Variants in TBC1D5 observed in about 807,000 individuals in gnomAD.
TBC1D5 encodes TBC1 domain family, member 5.
A neutral mutation model predicts 100.3 loss-of-function variants in TBC1D5; 75 were observed. The ratio of observed to expected loss-of-function variants is 0.75; its 90% CI spans 0.62 to 0.91. The LOEUF (loss-of-function observed/expected upper bound fraction) is 0.91. Ranked by LOEUF, TBC1D5 falls within the 40% of genes least tolerant of loss-of-function variation. TBC1D5 has a pLI of 0.00. For missense variants in TBC1D5, 910 were observed against 942.4 expected, an observed-to-expected ratio of 0.97 and a Z score of 0.45; for synonymous variants, 323 against 325.6, an observed-to-expected ratio of 0.99 and a Z score of 0.09.
rs544830996 is a variant in TBC1D5, at chr3:17,540,735, C to T, written c.-35-32130G>A. ...CATCCTGGCCAACATGGTGAAACCC[C>T]GTCTCTACTAAAAATACAAAAATTA... On this transcript the variant is annotated intron_variant, in intron 2 of 21. Coordinates refer to ENST00000253692, the Ensembl canonical transcript of TBC1D5. 1.2e-4 allele frequency among the ~76,000 whole-genome samples: 18 copies of T among 151,306 alleles called. No individual in the cohort carries two copies. The South Asian group carries it at 2.7e-3, about 23-fold the overall frequency.
chr3:17,189,968 T>G (rs2069661214), intron 18 of TBC1D5, among the ~76,000 whole-genome samples: 1 of 152,242 alleles, frequency 6.6e-6, no homozygotes, highest in Admixed American at 6.5e-5. Flanking sequence ...TTTTTTGAAT[T>G]TGCTTTTTAA....
In TBC1D5 at chr3:17,468,598, G is replaced by A. The variant is rs183886336; in HGVS notation, c.97+39876C>T. Among the ~76,000 whole-genome samples, 86 of 152,058 alleles carry A rather than the reference G, an allele frequency of 5.7e-4. 1 individual carries two copies. In the East Asian group the frequency reaches 0.015, roughly 27 times the overall value. ...AGAATGCAAGCTCCATGAAGGCAGG[G>A]ATCTTTGTTATGTTCAATGATATGT... On this transcript the variant is annotated intron_variant, in intron 3 of 21. Coordinates refer to ENST00000253692, the Ensembl canonical transcript of TBC1D5.
At chr3:17,340,177 T>C (rs2088643834) in intron 13 of TBC1D5, among the ~76,000 whole-genome samples, 1 of 152,156 alleles carries the variant, frequency 6.6e-6, no homozygotes, top group Non-Finnish European at 1.5e-5. Flanking sequence ...GCAAGAGTTC[T>C]GTGTTTCCAT....
chr3:17,664,942 T>A (rs2067071148), intron 1 of TBC1D5: 1 of 148,764 alleles, frequency 6.7e-6, no homozygotes, highest in Non-Finnish European at 1.5e-5. Context: ...GAATGAAGAC[T>A]GGAACTTATG....
intron 13 of TBC1D5, among the ~76,000 whole-genome samples, chr3:17,355,383 C>G (rs1426498077): frequency 1.3e-5 from 2 of 151,980 alleles, no homozygotes; most frequent in East Asian, 1.9e-4. Context: ...TAAAATAGTT[C>G]CAAGTAGAAA....
At chr3:17,488,890 T>C (rs764908361) in intron 3 of TBC1D5, among the ~76,000 whole-genome samples, 2 of 150,422 alleles carry the variant, frequency 1.3e-5, no homozygotes, top group African/African-American at 2.5e-5. Context: ...TAGATTCTCA[T>C]AGAAGCACAA....
intron 2 of TBC1D5, among the ~76,000 whole-genome samples, chr3:17,533,287 A>G (rs1283894318): frequency 6.6e-6 from 1 of 151,624 alleles, no homozygotes. Flanking sequence ...AAAGAAAATA[A>G]AAATACCCAA....
chr3:17,177,366 A>G (rs1288255044), intron 19 of TBC1D5, among the ~76,000 whole-genome samples: 2 of 152,202 alleles, frequency 1.3e-5, no homozygotes, highest in Admixed American at 1.3e-4. Flanking sequence ...TTCCAATAAT[A>G]AAACCAGGGG....
At chr3:17,186,659 G>A (rs2069112004) in intron 18 of TBC1D5, among the ~76,000 whole-genome samples, 1 of 120,140 alleles carries the variant, frequency 8.3e-6, no homozygotes, top group Non-Finnish European at 1.6e-5. Context: ...GAAGTGAGCC[G>A]AGATCATGCC....
Position 17,292,874 on chromosome 3 carries a change from C to T in TBC1D5, c.1139-873G>A, listed in dbSNP as rs147773106. ...ACTAATCAGTTACTTGAAAAATGTT[C>T]CATAAGAAAACAACTGTGATTCAAT... is the stretch of plus-strand genomic sequence containing the variant. On this transcript the variant is annotated intron_variant, in intron 14 of 21. Coordinates refer to ENST00000253692, the Ensembl canonical transcript of TBC1D5. Among the ~76,000 whole-genome samples, 465 of 152,208 alleles carry T rather than the reference C, an allele frequency of 3.1e-3. 2 individuals carry two copies. The highest frequency in any genetic ancestry group is 0.011 in the African/African-American group (454 of 41,554).
chr3:17,728,239 C>T (rs2076277892), intron 1 of TBC1D5, among the ~76,000 whole-genome samples: 1 of 152,116 alleles, frequency 6.6e-6, no homozygotes, highest in Admixed American at 6.5e-5. Context: ...TGGCTGCCAT[C>T]ACTATTAATT....
intron 1 of TBC1D5, among the ~76,000 whole-genome samples, chr3:17,727,613 A>T (rs2076232550): frequency 6.6e-6 from 1 of 152,178 alleles, no homozygotes; most frequent in Non-Finnish European, 1.5e-5. Context: ...GAAAAACACA[A>T]ATTACCAAAA....
At chr3:17,299,426 G>A (rs78525296) in intron 14 of TBC1D5, among the ~76,000 whole-genome samples, 2,287 of 152,242 alleles carry the variant, frequency 0.015, 50 homozygotes, top group African/African-American at 0.052. Context: ...GATAAGGAGG[G>A]ACTGCTGTAT....
chr3:17,700,946 G>A (rs1054241509), intron 1 of TBC1D5, among the ~76,000 whole-genome samples: 3 of 152,098 alleles, frequency 2.0e-5, no homozygotes, highest in South Asian at 2.1e-4. Context: ...TCTAGAACTC[G>A]AAATACCATT....
intron 3 of TBC1D5, among the ~76,000 whole-genome samples, chr3:17,437,573 T>C (rs2149485521): frequency 6.7e-6 from 1 of 149,822 alleles, no homozygotes; most frequent in African/African-American, 2.5e-5. Flanking sequence ...TGTGTGTGTG[T>C]GTGTGTGTGT....
chr3:17,645,015 G>C (rs1446521672), intron 1 of TBC1D5, among the ~76,000 whole-genome samples: 1 of 152,018 alleles, frequency 6.6e-6, no homozygotes, highest in Non-Finnish European at 1.5e-5. Flanking sequence ...CTATTAAACG[G>C]GGTCACTGGG....
At chr3:17,381,695 T>C (rs2092950844) in intron 9 of TBC1D5, among the ~76,000 whole-genome samples, 1 of 152,106 alleles carries the variant, frequency 6.6e-6, no homozygotes, top group African/African-American at 2.4e-5. Flanking sequence ...TTGGTTTGTT[T>C]TTAGTCTTTC....
chr3:17,561,941 T>C (rs2096561906), intron 2 of TBC1D5: 1 of 152,116 alleles, frequency 6.6e-6, no homozygotes, highest in Non-Finnish European at 1.5e-5. Context: ...AAAAAGACCA[T>C]ACAATGTGTC....
intron 3 of TBC1D5, among the ~76,000 whole-genome samples, chr3:17,504,314 T>C (rs1031774898): frequency 5.1e-5 from 6 of 116,520 alleles, no homozygotes; most frequent in Admixed American, 4.2e-4. Context: ...AGAGATAGCA[T>C]TGGGAGATAT....
Sources: allele counts gnomAD v4.1 joint callset (sites outside exome capture counted in the v4.1 genomes callset), GRCh38; gene constraint gnomAD v4.1.1; transcripts MANE v1.5; gene names NCBI Gene and HGNC (gene_info 2026-07-23, HGNC 2026-07-21).